The following CCDC3 variants were observed in gnomAD, a reference collection of about 807,000 sequenced individuals.
CCDC3 encodes coiled-coil domain containing 3.
In CCDC3, 24 loss-of-function variants were observed where a neutral mutation model predicts 21.4. That is an observed-to-expected ratio of 1.12 (90% CI 0.81 to 1.58). The LOEUF is 1.58. Among genes scored for constraint, CCDC3 ranks in the 40% most tolerant of loss-of-function variants. CCDC3 has a pLI of 0.00. For missense variants in CCDC3, 425 were observed against 360.9 expected (o/e 1.18, Z -1.44); for synonymous variants, 186 against 166.0 (o/e 1.12, Z -0.93).
At chr10:13,087,747 A>C (rs1837129418) in intron 3 of CCDC3, among the ~76,000 whole-genome samples, 1 of 152,150 alleles carries the variant, frequency 6.6e-6, no homozygotes, top group Non-Finnish European at 1.5e-5. Flanking sequence ...AAACTGGCGC[A>C]GAGAGCTAGG....
chr10:13,042,888 G>A lies in CCDC3; in HGVS notation c.-2+6786C>T, dbSNP rs555801581. Among the ~76,000 whole-genome samples the A allele has an allele frequency of 6.0e-3, 797 of 133,448 alleles. 3 individuals are homozygous for A. Among genetic ancestry groups the A allele is most frequent in the Admixed American group, 0.012 (143 of 12,342 alleles). The allele number at this position is 133,448 out of a possible 152,430, so 87.5% of individuals were successfully genotyped here. ...GGCGCCACTGCACTCCAGCCTGGGC[G>A]ACAGAGGGAGACTGTCTCAAAAAAA... On this transcript the variant is annotated intron_variant, in intron 5 of 6. Coordinates refer to the CCDC3 transcript ENST00000378839.
Position 13,001,700 on chromosome 10 carries a change from A to G in CCDC3, c.-130T>C. 4 of 574,294 alleles carry G rather than the reference A, an allele frequency of 7.0e-6. No homozygotes were observed. The highest frequency in any genetic ancestry group is 8.9e-6 in the Non-Finnish European group (4 of 447,008). 35.6% of individuals were successfully genotyped at this position (574,294 alleles called of 1,614,324 possible). A position where few individuals can be genotyped will look rare whatever the true frequency, so the allele number is the denominator to read the frequency against. ...AGCTGAGCGCACCGCTGTCTCCGCC[A>G]CGGGGCTCGGCATGCCCGGCCCTGG... On this transcript the variant is annotated 5_prime_UTR_variant, in exon 1 of 3. Coordinates refer to ENST00000378825, the MANE Select transcript of CCDC3 (RefSeq NM_031455.4).
rs138631842 is a variant in CCDC3 at position 12,922,661 on chromosome 10, C to T, written c.550-23982G>A. Among the ~76,000 whole-genome samples, 477 of 152,224 alleles carry T rather than the reference C, an allele frequency of 3.1e-3. 2 individuals are homozygous for T. The highest frequency in any genetic ancestry group is 0.011 in the African/African-American group (438 of 41,526). On this transcript the variant is annotated intron_variant, in intron 2 of 2. Transcript: ENST00000378825. Reference sequence around the variant, plus strand: ...CTCTGAAACATGCTCTTCCCCCTCCCGGACCCCTTCCCGCGCCGCAGGAAC... The same window carrying T: ...CTCTGAAACATGCTCTTCCCCCTCCTGGACCCCTTCCCGCGCCGCAGGAAC...
chr10:13,067,386 G>A (rs1836833632), intron 4 of CCDC3, among the ~76,000 whole-genome samples: 1 of 119,286 alleles, frequency 8.4e-6, no homozygotes, highest in South Asian at 2.6e-4. Flanking sequence ...ACTTTTAAGT[G>A]AGAGGTTTTT....
intron 2 of CCDC3, among the ~76,000 whole-genome samples, chr10:12,960,455 C>T (rs76409301): frequency 0.019 from 2,845 of 152,172 alleles, 77 homozygotes; most frequent in African/African-American, 0.065. Context: ...GGGTTCAAGG[C>T]TTATCTGCCT....
intron 5 of CCDC3, among the ~76,000 whole-genome samples, chr10:13,045,781 CT>C (rs1446582489): frequency 6.6e-6 from 1 of 152,048 alleles, no homozygotes; most frequent in Non-Finnish European, 1.5e-5. Context: ...CACTATAAAA[CT>C]TTTTTCATGT....
intron 5 of CCDC3, among the ~76,000 whole-genome samples, chr10:13,032,928 A>T: frequency 6.6e-6 from 1 of 152,216 alleles, no homozygotes; most frequent in Non-Finnish European, 1.5e-5. Context: ...AAGGTAATTT[A>T]TAGATTCAAT....
In CCDC3 at chr10:12,998,939, G is replaced by A. The variant is rs373154209; in HGVS notation, c.375-427C>T. ...CCTCTAAGCTTCAGTATTCTAATCT[G>A]CAAAAAGAATATAGTACTGGCTAGG... On this transcript the variant is annotated intron_variant, in intron 1 of 2. Transcript: ENST00000378825. Among the ~76,000 whole-genome samples the A allele has an allele frequency of 1.1e-4, 16 of 152,244 alleles. No homozygotes were observed. In the East Asian group the frequency reaches 2.3e-3, roughly 22 times the overall value.
At chr10:12,923,471 T>G (rs891975787) in intron 2 of CCDC3, among the ~76,000 whole-genome samples, 6 of 152,150 alleles carry the variant, frequency 3.9e-5, no homozygotes, top group African/African-American at 1.2e-4. Flanking sequence ...GCATGGCCAA[T>G]GTGATGCTAC....
At chr10:12,908,612 CTTT>C (rs764071462) in intron 2 of CCDC3, among the ~76,000 whole-genome samples, 2 of 139,314 alleles carry the variant, frequency 1.4e-5, no homozygotes. Flanking sequence ...TGTGATTTTT[CTTT>C]TTTTTTTTTT....
chr10:12,993,244 C>T (rs912885113), intron 2 of CCDC3, among the ~76,000 whole-genome samples: 1 of 152,176 alleles, frequency 6.6e-6, no homozygotes, highest in Admixed American at 6.5e-5. Context: ...TAATTAGGTC[C>T]TGAGACAATA....
chr10:12,963,570 G>T (rs71492275), intron 2 of CCDC3, among the ~76,000 whole-genome samples: 11,343 of 118,804 alleles, frequency 0.095, 584 homozygotes, highest in African/African-American at 0.17. Flanking sequence ...CTCCAGTTTT[G>T]TTTTCCGGGT....
intron 2 of CCDC3, among the ~76,000 whole-genome samples, chr10:12,992,020 GTGTTGCCA>G (rs2131280853): frequency 6.6e-6 from 1 of 151,540 alleles, no homozygotes; most frequent in East Asian, 1.9e-4. Flanking sequence ...TGTACACAGT[GTGTTGCCA>G]TTTGTGTCAA....
At chr10:13,040,168 G>A (rs568483458) in intron 5 of CCDC3, among the ~76,000 whole-genome samples, 1 of 152,076 alleles carries the variant, frequency 6.6e-6, no homozygotes, top group Non-Finnish European at 1.5e-5. Flanking sequence ...AAGCTGGGGC[G>A]AACACAGTGA....
At chr10:13,013,581 GGA>G in intron 5 of CCDC3, among the ~76,000 whole-genome samples, 1 of 152,042 alleles carries the variant, frequency 6.6e-6, no homozygotes. Flanking sequence ...CATTACAGAT[GGA>G]GAATCCTGGC....
chr10:13,038,149 T>C (rs1365057484), intron 5 of CCDC3, among the ~76,000 whole-genome samples: 1 of 152,044 alleles, frequency 6.6e-6, no homozygotes, highest in Non-Finnish European at 1.5e-5. Flanking sequence ...TAAATAGAGC[T>C]GAATGATGAG....
intron 1 of CCDC3, among the ~76,000 whole-genome samples, chr10:12,999,751 G>T (rs1835817951): frequency 6.6e-6 from 1 of 152,190 alleles, no homozygotes; most frequent in African/African-American, 2.4e-5. Flanking sequence ...TAAAAAGCCT[G>T]CTCAAACACT....
intron 2 of CCDC3, among the ~76,000 whole-genome samples, chr10:12,997,477 C>T (rs1328354819): frequency 1.3e-5 from 2 of 152,154 alleles, no homozygotes; most frequent in African/African-American, 4.8e-5. Flanking sequence ...GGCATTTGGC[C>T]CAGATCGGAA....
intron 2 of CCDC3, among the ~76,000 whole-genome samples, chr10:12,920,194 T>C (rs1176864388): frequency 1.3e-5 from 2 of 152,110 alleles, no homozygotes; most frequent in African/African-American, 2.4e-5. Context: ...ACGTCTTACA[T>C]GGCGGCAGGC....
Sources: allele counts gnomAD v4.1 joint callset (sites outside exome capture counted in the v4.1 genomes callset), GRCh38; gene constraint gnomAD v4.1.1; transcripts MANE v1.5; gene names NCBI Gene and HGNC (gene_info 2026-07-23, HGNC 2026-07-21).